Variants in SLC4A4 observed in about 807,000 individuals in gnomAD.
SLC4A4 encodes solute carrier family 4 member 4.
In SLC4A4, 27 loss-of-function variants were observed where a neutral mutation model predicts 111.5. The observed-to-expected ratio is 0.24, with a 90% CI of 0.18 to 0.33. The LOEUF (loss-of-function observed/expected upper bound fraction) is 0.33. SLC4A4 is among the 10% of genes least tolerant of loss of function. The pLI, the probability that SLC4A4 is intolerant of heterozygous loss-of-function variation, is 1.00. For missense variants in SLC4A4, 909 were observed against 1,315.5 expected (o/e 0.69, Z 4.78); for synonymous variants, 443 against 463.4 (o/e 0.96, Z 0.57).
At chr4:71,182,568 T>C (rs1334282731), upstream of SLC4A4, among the ~76,000 whole-genome samples, 1 of 152,116 alleles carries the variant, frequency 6.6e-6, no homozygotes, top group Non-Finnish European at 1.5e-5. Flanking sequence ...ACTTGGTCCA[T>C]AGGCCAAAAA....
At chr4:71,504,272 T>C (rs190530193) in intron 16 of SLC4A4, among the ~76,000 whole-genome samples, 3 of 152,294 alleles carry the variant, frequency 2.0e-5, no homozygotes, top group Admixed American at 6.5e-5. Flanking sequence ...GTCTCTTCTT[T>C]CACTGTCACA....
At chr4:71,287,952 T>G (rs745816134) in intron 3 of SLC4A4, among the ~76,000 whole-genome samples, 27 of 152,168 alleles carry the variant, frequency 1.8e-4, no homozygotes, top group Non-Finnish European at 4.0e-4. Context: ...CTACTACTGA[T>G]GGTGATGAAA....
intron 6 of SLC4A4, among the ~76,000 whole-genome samples, chr4:71,362,686 G>A (rs114833262): frequency 1.6e-3 from 249 of 152,256 alleles, no homozygotes; most frequent in Middle Eastern, 6.8e-3. Context: ...GCCCTCTTAC[G>A]TAATAATTTG....
intron 2 of SLC4A4, among the ~76,000 whole-genome samples, chr4:71,174,255 CT>C (rs35256882): frequency 0.11 from 16,005 of 140,710 alleles, 1,381 homozygotes; most frequent in African/African-American, 0.26. Context: ...CCACACCACA[CT>C]TTTTTTTTTT....
chr4:71,103,803 C>G (rs1161182430), intron 2 of SLC4A4, among the ~76,000 whole-genome samples: 1 of 151,024 alleles, frequency 6.6e-6, no homozygotes, highest in African/African-American at 2.4e-5. Flanking sequence ...GCACTAAATG[C>G]CCACAAGAGA....
At chr4:71,217,142 T>C (rs563750043) in intron 1 of SLC4A4, among the ~76,000 whole-genome samples, 1 of 152,348 alleles carries the variant, frequency 6.6e-6, no homozygotes, top group East Asian at 1.9e-4. Context: ...TTAAAGTTTT[T>C]TTTTAAAGCA....
intron 5 of SLC4A4, among the ~76,000 whole-genome samples, chr4:71,353,528 G>A (rs1028221807): frequency 6.6e-6 from 1 of 152,148 alleles, no homozygotes; most frequent in Non-Finnish European, 1.5e-5. Flanking sequence ...AAACATGAAC[G>A]AAACAGAGCC....
At chr4:71,550,455 A>G (rs1230279632) in intron 20 of SLC4A4, among the ~76,000 whole-genome samples, 4 of 151,964 alleles carry the variant, frequency 2.6e-5, no homozygotes, top group Non-Finnish European at 4.4e-5. Flanking sequence ...AACCTAAGTT[A>G]TGACTAAGTA....
intron 16 of SLC4A4, among the ~76,000 whole-genome samples, chr4:71,518,915 T>C (rs1732662360): frequency 6.6e-6 from 1 of 152,044 alleles, no homozygotes; most frequent in South Asian, 2.1e-4. Context: ...CATTTGGGTT[T>C]TACCGGGACA....
intron 3 of SLC4A4, among the ~76,000 whole-genome samples, chr4:71,273,556 A>G (rs1434378855): frequency 1.3e-5 from 2 of 152,086 alleles, no homozygotes; most frequent in Non-Finnish European, 2.9e-5. Flanking sequence ...GTCTCATGAC[A>G]TTGTTCTTGA....
rs780504139 is a variant in SLC4A4 at position 71,566,984 on chromosome 4, T to C, written c.3197-20T>C. ...ACCAAAGATCTACCATTTATGTTTT[T>C]AAAAAATTTTATTTTCCAGGAGAAA... On this transcript the variant is annotated intron_variant, in intron 24 of 25. Coordinates refer to ENST00000264485, the MANE Select transcript of SLC4A4 (RefSeq NM_001098484.3). 1 of 1,602,960 alleles carries C rather than the reference T, an allele frequency of 6.2e-7. No homozygotes were observed. Among genetic ancestry groups the C allele is most frequent in the East Asian group, 2.2e-5 (1 of 44,556 alleles).
intron 12 of SLC4A4, among the ~76,000 whole-genome samples, chr4:71,463,822 G>A (rs952548689): frequency 1.3e-5 from 2 of 152,098 alleles, no homozygotes; most frequent in African/African-American, 4.8e-5. Flanking sequence ...AGAGAAACAT[G>A]GATGATGCCA....
intron 6 of SLC4A4, among the ~76,000 whole-genome samples, chr4:71,392,211 T>C (rs1719357509): frequency 6.6e-6 from 1 of 152,108 alleles, no homozygotes; most frequent in South Asian, 2.1e-4. Flanking sequence ...AAAAGGCTGA[T>C]TAAACAGTGC....
chr4:71,070,275 A>G (rs972857336), intron 1 of SLC4A4, among the ~76,000 whole-genome samples: 4 of 152,174 alleles, frequency 2.6e-5, no homozygotes, highest in Admixed American at 6.5e-5. Flanking sequence ...ACAAAAGTTG[A>G]TTTCTCAATT....
intron 7 of SLC4A4, among the ~76,000 whole-genome samples, chr4:71,420,519 C>G (rs1307010059): frequency 7.2e-5 from 11 of 151,974 alleles, no homozygotes; most frequent in African/African-American, 2.7e-4. Flanking sequence ...AGAGCAACTC[C>G]AAGACACATA....
intron 2 of SLC4A4, among the ~76,000 whole-genome samples, chr4:71,097,754 GT>G (rs1280362305): frequency 6.6e-6 from 1 of 151,950 alleles, no homozygotes; most frequent in African/African-American, 2.4e-5. Context: ...TGTGGTTTTG[GT>G]TTGCATTTTT....
intron 2 of SLC4A4, among the ~76,000 whole-genome samples, chr4:71,095,694 AG>A (rs1355493068): frequency 1.3e-5 from 2 of 152,194 alleles, no homozygotes; most frequent in African/African-American, 4.8e-5. Context: ...GTGAACAAGA[AG>A]GGTATGGCTC....
At chr4:71,376,771 G>A (rs969057975) in intron 6 of SLC4A4, among the ~76,000 whole-genome samples, 1 of 151,688 alleles carries the variant, frequency 6.6e-6, no homozygotes, top group Non-Finnish European at 1.5e-5. Flanking sequence ...CAAGTAGCTG[G>A]GACTACATAT....
At chr4:71,482,967 G>T (rs981352244) in intron 14 of SLC4A4, among the ~76,000 whole-genome samples, 1 of 151,378 alleles carries the variant, frequency 6.6e-6, no homozygotes, top group Non-Finnish European at 1.5e-5. Flanking sequence ...ATATGAAATG[G>T]GTATAAAAGT....
Sources: allele counts gnomAD v4.1 joint callset (sites outside exome capture counted in the v4.1 genomes callset), GRCh38; gene constraint gnomAD v4.1.1; transcripts MANE v1.5; gene names NCBI Gene and HGNC (gene_info 2026-07-23, HGNC 2026-07-21).